KLHL14: variants seen among roughly 807,000 people sequenced by gnomAD.
The protein encoded by KLHL14 is kelch-like protein 14.
KLHL14 carries 22 observed loss-of-function variants against 64.3 expected under a neutral mutation model. The observed-to-expected ratio is 0.34, with a 90% CI of 0.24 to 0.49. The LOEUF (loss-of-function observed/expected upper bound fraction) is 0.49. KLHL14 is among the 20% of genes least tolerant of loss of function. KLHL14 has a pLI of 0.99. For synonymous variants in KLHL14, 322 were observed against 333.4 expected (o/e 0.97, Z 0.37); for missense variants, 661 against 789.0 (o/e 0.84, Z 1.94).
intron 2 of KLHL14, among the ~76,000 whole-genome samples, chr18:32,768,071 G>A (rs933371445): frequency 5.9e-5 from 9 of 152,112 alleles, no homozygotes; most frequent in African/African-American, 2.2e-4. Context: ...TGGATCTTTA[G>A]ACAAACGAAA....
Position 32,770,321 on chromosome 18 carries a change from G to T in KLHL14, c.271C>A (p.Gln91Lys). Residue 91 changes from glutamine (Q) to lysine (K), a missense_variant, in exon 2 of 9, where the codon CAG becomes AAG. Gln to Lys is a moderately conservative substitution (Grantham distance 53). Transcript: ENST00000359358. This position sits in a 1 kb window ranked among gnomAD's most constrained non-coding sequence, Gnocchi z 6.7. ...PKDQQQPPQQ[Q>K]PSQQQQPPPQ... ...GGCGGCTGCTGCTGCTGTGACGGCT[G>T]CTGCTGCGGCGGCTGCTGCTGGTCC... The T allele has an allele frequency of 6.3e-7, 1 of 1,584,990 alleles. No individual in the cohort carries two copies. Among genetic ancestry groups the T allele is most frequent in the Non-Finnish European group, 8.6e-7 (1 of 1,165,936 alleles).
intron 3 of KLHL14, chr18:32,734,115 A>G: frequency 1.4e-6 from 1 of 702,300 alleles, no homozygotes; most frequent in Non-Finnish European, 2.6e-6. Flanking sequence ...GAATACACTG[A>G]ATATTTGATG....
intron 3 of KLHL14, among the ~76,000 whole-genome samples, chr18:32,711,467 T>C (rs1459290538): frequency 1.3e-5 from 2 of 152,214 alleles, no homozygotes; most frequent in Non-Finnish European, 2.9e-5. Flanking sequence ...AGTACAAATC[T>C]ATTCAAACAC....
intron 2 of KLHL14, among the ~76,000 whole-genome samples, chr18:32,764,468 T>A (rs2050330300): frequency 1.3e-5 from 2 of 152,174 alleles, no homozygotes; most frequent in South Asian, 4.1e-4. Flanking sequence ...TCCACTAGAA[T>A]AAGGGCAAAT....
intron 3 of KLHL14, among the ~76,000 whole-genome samples, chr18:32,722,724 A>T (rs144657345): frequency 8.4e-4 from 128 of 152,262 alleles, no homozygotes; most frequent in African/African-American, 3.0e-3. Context: ...GAACTTTTGG[A>T]GGCTGAGGCA....
intron 3 of KLHL14, among the ~76,000 whole-genome samples, chr18:32,711,280 G>A (rs929223478): frequency 5.3e-5 from 8 of 152,168 alleles, no homozygotes; most frequent in East Asian, 1.9e-4. Flanking sequence ...TAATTGGCAC[G>A]TGACAGTGGG....
intron 3 of KLHL14, among the ~76,000 whole-genome samples, chr18:32,704,578 C>T (rs182292373): frequency 1.3e-5 from 2 of 152,056 alleles, no homozygotes; most frequent in East Asian, 1.9e-4. Context: ...CAAAATTAGC[C>T]GGGCATGGTG....
At chr18:32,685,566 AG>A (rs1412263705) in intron 5 of KLHL14, among the ~76,000 whole-genome samples, 2 of 152,194 alleles carry the variant, frequency 1.3e-5, no homozygotes, top group Admixed American at 1.3e-4. Flanking sequence ...AGAGAGAAAC[AG>A]GGTGCACTGG....
chr18:32,771,584 C>T (rs572833622), intron 1 of KLHL14, among the ~76,000 whole-genome samples: 1 of 152,220 alleles, frequency 6.6e-6, no homozygotes, highest in South Asian at 2.1e-4. Flanking sequence ...ATCAATCTCC[C>T]CTTCCAGCGA....
chr18:32,768,957 C>T (rs192417316), intron 2 of KLHL14, among the ~76,000 whole-genome samples: 16 of 152,314 alleles, frequency 1.1e-4, no homozygotes, highest in African/African-American at 3.8e-4. Context: ...AGATTCACCC[C>T]ATCACCCTGA....
chr18:32,687,236 G>A lies in KLHL14; in HGVS notation c.1160-3C>T, dbSNP rs1323834670. On this transcript the variant is annotated splice_polypyrimidine_tract_variant and splice_region_variant and intron_variant, in intron 4 of 8. Transcript: ENST00000359358. ...GACAAAATTTGTACTGTGTTTTCCT[G>A]TAAAAATGCATTCGAGACATTTAAA... 2.5e-6 allele frequency: 4 copies of A among 1,610,394 alleles called. No individual in the cohort carries two copies. Among genetic ancestry groups the A allele is most frequent in the Non-Finnish European group, 3.4e-6 (4 of 1,176,796 alleles).
In KLHL14 at chr18:32,769,763, G is replaced by T. The variant is rs764687676; in HGVS notation, c.829C>A (p.Arg277=). The change falls in exon 2 of 9, where the codon CGG becomes AGG. Residue 277 remains arginine (R), a synonymous_variant. Transcript: ENST00000359358. ...ALIPAPELVE[R]VQSVDFMRTD... is the part of the protein sequence containing the mutation. The stretch of plus-strand genomic sequence containing the variant: ...CGCATGAAATCCACTGACTGGACCC[G>T]CTCCACCAGCTCCGGGGCCGGGATG... 6.2e-6 allele frequency: 10 copies of T among 1,608,238 alleles called. No individual in the cohort carries two copies. Among genetic ancestry groups the T allele is most frequent in the Non-Finnish European group, 8.5e-6 (10 of 1,176,348 alleles).
rs1396662350 is a variant in KLHL14, at chr18:32,772,982, C to T, written c.-359G>A. On this transcript the variant is annotated 5_prime_UTR_variant, in exon 1 of 9. The change abolishes an upstream ATG in the 5' untranslated region. Coordinates refer to ENST00000359358, the MANE Select transcript of KLHL14 (RefSeq NM_020805.3). ...ATTATGCTACCAAGAAACAACACAT[C>T]ATTATCCTTGGGCCTGGGGCTCAGT... is the stretch of plus-strand genomic sequence containing the variant. The T allele has an allele frequency of 5.2e-6, 1 of 190,764 alleles. No homozygotes were observed. The highest frequency in any genetic ancestry group is 1.1e-5 in the Non-Finnish European group (1 of 89,506). 11.8% of individuals were successfully genotyped at this position (190,764 alleles called of 1,614,324 possible). A position where few individuals can be genotyped will look rare whatever the true frequency, so the allele number is the denominator to read the frequency against.
chr18:32,697,559 TAATG>T (rs1423552344), intron 3 of KLHL14, among the ~76,000 whole-genome samples: 1 of 152,130 alleles, frequency 6.6e-6, no homozygotes, highest in African/African-American at 2.4e-5. Context: ...ATCTTATAAA[TAATG>T]AAAAACGGTA....
intron 2 of KLHL14, among the ~76,000 whole-genome samples, chr18:32,757,015 T>C (rs1338110563): frequency 1.3e-5 from 2 of 152,212 alleles, no homozygotes; most frequent in African/African-American, 4.8e-5. Flanking sequence ...ATCCCTACCA[T>C]CTTGCACTCA....
intron 2 of KLHL14, chr18:32,744,090 C>T (rs1481180540): frequency 1.3e-5 from 2 of 152,154 alleles, no homozygotes; most frequent in East Asian, 3.8e-4. Context: ...AGGATAGACA[C>T]AGAGGAAAGA....
chr18:32,695,572 A>AG lies in KLHL14; in HGVS notation c.1070-21_1070-20insC. The AG allele has an allele frequency of 6.6e-7, 1 of 1,507,160 alleles. No homozygotes were observed. The highest frequency in any genetic ancestry group is 9.1e-7 in the Non-Finnish European group (1 of 1,094,902). The allele number at this position is 1,507,160 out of a possible 1,614,324, so 93.4% of individuals were successfully genotyped here. ...GCATAACTGAAATTAAGAAAAAAAA[A>AG]AAAGACATATGAAATTTTCCATCTC... On this transcript the variant is annotated intron_variant, in intron 3 of 8. Coordinates refer to ENST00000359358, the MANE Select transcript of KLHL14 (RefSeq NM_020805.3).
At chr18:32,731,111 G>A (rs1273685846) in intron 3 of KLHL14, among the ~76,000 whole-genome samples, 1 of 152,164 alleles carries the variant, frequency 6.6e-6, no homozygotes, top group Non-Finnish European at 1.5e-5. Flanking sequence ...CCCAGCAATG[G>A]AGTCAATTTA....
chr18:32,755,374 T>C (rs1042258204), intron 2 of KLHL14, among the ~76,000 whole-genome samples: 2 of 149,846 alleles, frequency 1.3e-5, no homozygotes, highest in Non-Finnish European at 3.0e-5. Context: ...TTGTGGATGC[T>C]ATACTGTGTG....
Sources: gnomAD v4.1 joint callset for allele counts (sites outside exome capture counted in the v4.1 genomes callset) on GRCh38, gnomAD v4.1.1 for gene constraint, Gnocchi (gnomAD v3.1) non-coding constraint, MANE v1.5 for transcripts, NCBI Gene and HGNC (gene_info 2026-07-23, HGNC 2026-07-21) for gene names.